EFCAB8: variants seen among roughly 807,000 people sequenced by gnomAD.
EFCAB8 encodes EF-hand calcium-binding domain-containing protein 8.
Under a neutral mutation model 116.3 loss-of-function variants are expected in EFCAB8, and 100 were observed. That is an observed-to-expected ratio of 0.86 (90% CI 0.73 to 1.02). The LOEUF (loss-of-function observed/expected upper bound fraction) is 1.02. EFCAB8 is among the 50% of genes least tolerant of loss of function. The probability of loss-of-function intolerance (pLI) is 0.00; values close to 1 mark genes in which losing one functional copy is unlikely to be tolerated. For missense variants in EFCAB8, 1,320 were observed against 1,416.9 expected, an observed-to-expected ratio of 0.93 and a Z score of 1.10; for synonymous variants, 558 against 567.9, an observed-to-expected ratio of 0.98 and a Z score of 0.25.
intron 17 of EFCAB8, among the ~76,000 whole-genome samples, chr20:32,914,425 A>T (rs532741425): frequency 6.6e-6 from 1 of 152,240 alleles, no homozygotes; most frequent in African/African-American, 2.4e-5. Flanking sequence ...TGGCTGATCC[A>T]TACTAATCTC....
chr20:32,870,464 T>G (rs1021831713), intron 3 of EFCAB8, among the ~76,000 whole-genome samples: 2 of 152,202 alleles, frequency 1.3e-5, no homozygotes, highest in African/African-American at 4.8e-5. Flanking sequence ...GGTATGTCCC[T>G]TTAAGTTATT....
At position 32,958,433 on chromosome 20, in the gene EFCAB8, T is replaced by G. The variant is rs1989040874; in HGVS notation, c.2972T>G (p.Leu991Arg). 7.2e-6 allele frequency: 3 copies of G among 416,826 alleles called. No individual in the cohort carries two copies. In the East Asian group the frequency reaches 1.1e-4, roughly 15 times the overall value. The allele number at this position is 416,826 out of a possible 1,614,324, so 25.8% of individuals were successfully genotyped here. A position where few individuals can be genotyped will look rare whatever the true frequency, so the allele number is the denominator to read the frequency against. The change falls in exon 24 of 27, where the codon CTG becomes CGG. Residue 991 changes from leucine (L) to arginine (R), a missense_variant. By Grantham distance (102) the Leu-to-Arg change is moderately radical. Transcript: ENST00000400522. ...GGTCAAATCACAGGAACGTTTGGCC[T>G]GAGTGTGTGGAAAAGACTACAGGAT... ...LSGDAIGTFG[L>R]SVWKRLQDAC...
chr20:32,873,493 A>G (rs575874433), intron 3 of EFCAB8, among the ~76,000 whole-genome samples: 19 of 152,092 alleles, frequency 1.2e-4, no homozygotes, highest in South Asian at 6.2e-4. Context: ...AGAATTTTCT[A>G]TCCTTGCCTG....
chr20:32,906,066 A>T (rs1214561904), intron 11 of EFCAB8, among the ~76,000 whole-genome samples: 1 of 152,098 alleles, frequency 6.6e-6, no homozygotes, highest in East Asian at 1.9e-4. Context: ...TGTCCAGATG[A>T]TGCAGGAGAC....
chr20:32,895,645 C>T (rs1414009903), intron 9 of EFCAB8, among the ~76,000 whole-genome samples: 2 of 149,826 alleles, frequency 1.3e-5, no homozygotes, highest in Admixed American at 6.7e-5. Context: ...GATCTTGGCT[C>T]ACTGCCACCT....
chr20:32,870,367 C>T (rs551615178), intron 3 of EFCAB8, among the ~76,000 whole-genome samples: 4 of 152,274 alleles, frequency 2.6e-5, no homozygotes, highest in Admixed American at 1.3e-4. Context: ...TATATCCAAA[C>T]GGTTCAAAAT....
At chr20:32,931,074 C>T in intron 21 of EFCAB8, 104 bp from the exon 22 acceptor site, 2 of 1,017,960 alleles carry the variant, frequency 2.0e-6, no homozygotes, top group African/African-American at 1.6e-5. Context: ...AGAACTGCCC[C>T]CCACCCCCAC....
Position 32,893,253 on chromosome 20 carries a change from A to C in EFCAB8, c.838A>C (p.Ser280Arg). The C allele has an allele frequency of 6.4e-7, 1 of 1,552,004 alleles. No individual in the cohort carries two copies. Among genetic ancestry groups the C allele is most frequent in the South Asian group, 1.2e-5 (1 of 84,064 alleles). The change falls in exon 9 of 27, where the codon AGT becomes CGT. Residue 280 changes from serine to arginine, a missense_variant. Transcript: ENST00000400522. ...VIVFTSENMT[S>R]GLFNPRILPR... The stretch of plus-strand genomic sequence containing the variant: ...TGTCTTCACCTCCGAAAACATGACC[A>C]GTGGGCTGTTCAACCCCCGTATCCT...
intron 24 of EFCAB8, among the ~76,000 whole-genome samples, chr20:32,958,896 C>T (rs141525614): frequency 8.6e-4 from 131 of 152,316 alleles, no homozygotes; most frequent in African/African-American, 2.8e-3. Context: ...GCCAGAGGTC[C>T]CTGGCAGAGG....
intron 1 of EFCAB8, among the ~76,000 whole-genome samples, chr20:32,862,071 A>C (rs905107183): frequency 6.6e-6 from 1 of 150,992 alleles, no homozygotes; most frequent in African/African-American, 2.4e-5. Context: ...TGTCCTCTAA[A>C]TGTAGCCACT....
At chr20:32,912,427 T>A (rs1986975743) in intron 16 of EFCAB8, among the ~76,000 whole-genome samples, 1 of 96,778 alleles carries the variant, frequency 1.0e-5, no homozygotes. Flanking sequence ...AGTGAAACTC[T>A]GTCAAAAAAA....
chr20:32,957,195 T>G (rs1988995253), intron 23 of EFCAB8, among the ~76,000 whole-genome samples: 1 of 152,092 alleles, frequency 6.6e-6, no homozygotes, highest in Non-Finnish European at 1.5e-5. Flanking sequence ...GTAACAGTTA[T>G]TTAAAGTTTT....
intron 22 of EFCAB8, among the ~76,000 whole-genome samples, chr20:32,937,698 A>C (rs1747961804): frequency 7.6e-6 from 1 of 130,866 alleles, no homozygotes; most frequent in Non-Finnish European, 1.7e-5. Context: ...GACTCACTGC[A>C]ACCTCTGCCT....
chr20:32,954,370 A>G (rs1988897594), intron 23 of EFCAB8, among the ~76,000 whole-genome samples: 1 of 152,180 alleles, frequency 6.6e-6, no homozygotes, highest in Non-Finnish European at 1.5e-5. Context: ...TCCCAAAACC[A>G]TTTGTTGTAG....
In EFCAB8 at chr20:32,882,974, C is replaced by T. The variant is rs149003729; in HGVS notation, c.432-2531C>T. Reference sequence around the variant, plus strand: ...CCTCCCAAAGTGCTGGGATTACAAGCGTAAGCCACCGCGCCTGGCCTAGTT... The same window carrying T: ...CCTCCCAAAGTGCTGGGATTACAAGTGTAAGCCACCGCGCCTGGCCTAGTT... On this transcript the variant is annotated intron_variant, in intron 5 of 26. Coordinates refer to ENST00000400522, the MANE Select transcript of EFCAB8 (RefSeq NM_001143967.2). Among the ~76,000 whole-genome samples, 1,131 of 151,278 alleles carry T rather than the reference C, an allele frequency of 7.5e-3. 15 individuals are homozygous for T. Among genetic ancestry groups the T allele is most frequent in the African/African-American group, 0.026 (1,071 of 41,108 alleles).
At chr20:32,881,864 C>T (rs76963583) in intron 5 of EFCAB8, among the ~76,000 whole-genome samples, 4,685 of 152,236 alleles carry the variant, frequency 0.031, 213 homozygotes, top group African/African-American at 0.098. Flanking sequence ...CCATCAGGCC[C>T]TTAGGGAATT....
chr20:32,865,387 A>G (rs1984335957), intron 2 of EFCAB8, among the ~76,000 whole-genome samples: 1 of 152,080 alleles, frequency 6.6e-6, no homozygotes, highest in African/African-American at 2.4e-5. Context: ...TGCCTGGAAC[A>G]TGGTGCATGC....
At chr20:32,919,237 G>A (rs557741660) in intron 19 of EFCAB8, among the ~76,000 whole-genome samples, 6 of 152,276 alleles carry the variant, frequency 3.9e-5, no homozygotes, top group African/African-American at 7.2e-5. Context: ...GATTGTTCTC[G>A]TAGTCAAAAT....
intron 22 of EFCAB8, among the ~76,000 whole-genome samples, chr20:32,941,845 A>G (rs1048825755): frequency 6.6e-6 from 1 of 152,318 alleles, no homozygotes; most frequent in African/African-American, 2.4e-5. Context: ...AAATTGGTAA[A>G]TTTTTATGTG....
Sources: gnomAD v4.1 joint callset for allele counts (sites outside exome capture counted in the v4.1 genomes callset) on GRCh38, gnomAD v4.1.1 for gene constraint, MANE v1.5 for transcripts, NCBI Gene and HGNC (gene_info 2026-07-23, HGNC 2026-07-21) for gene names.